The following ASH2L variants were observed in gnomAD, a reference collection of about 807,000 sequenced individuals.
ASH2L encodes the protein ASH2 like, histone lysine methyltransferase complex subunit, also known as set1/Ash2 histone methyltransferase complex subunit ASH2.
ASH2L carries 30 observed loss-of-function variants against 81.1 expected under a neutral mutation model. The observed-to-expected ratio is 0.37, with a 90% CI of 0.28 to 0.50. ASH2L has a LOEUF of 0.50. ASH2L is among the 20% of genes least tolerant of loss of function. The probability of loss-of-function intolerance (pLI) is 0.95; values close to 1 mark genes in which losing one functional copy is unlikely to be tolerated. For synonymous variants in ASH2L, 273 were observed against 279.9 expected, an observed-to-expected ratio of 0.98 and a Z score of 0.24; for missense variants, 559 against 792.1, an observed-to-expected ratio of 0.71 and a Z score of 3.53.
Position 38,138,892 on chromosome 8 carries a change from A to G in ASH2L, c.1779+17A>G. ...TACCGCCCTGTGAGTAACATTACAA[A>G]TGGCTGCATGTGTCCTCAGCATCTC... On this transcript the variant is annotated intron_variant, in intron 15 of 15. Transcript: ENST00000343823. The G allele has an allele frequency of 6.2e-7, 1 of 1,613,958 alleles. No homozygotes were observed.
Position 38,106,464 on chromosome 8 carries a change from TGCAAGACAAAA to T in ASH2L, c.255+21_255+31del. 6.3e-7 allele frequency: 1 copy of T among 1,595,884 alleles called. No individual in the cohort carries two copies. The highest frequency in any genetic ancestry group is 8.6e-7 in the Non-Finnish European group (1 of 1,165,638). On this transcript the variant is annotated intron_variant, in intron 2 of 15. Transcript: ENST00000343823. ...ACACTAGTAAGTATTTTTAGTTGTT[TGCAAGACAAAA>T]TAGGGTTTGTTTTAGTTATTTCTTC...
chr8:38,135,898 T>C, intron 14 of ASH2L, 132 bp downstream of exon 14: 1 of 613,820 alleles, frequency 1.6e-6, no homozygotes, highest in Non-Finnish European at 2.8e-6. Context: ...TTGTTACCAT[T>C]ACTGTTTAGT....
chr8:38,133,759 C>G (rs1430305937), intron 13 of ASH2L, among the ~76,000 whole-genome samples: 1 of 152,146 alleles, frequency 6.6e-6, no homozygotes, highest in Non-Finnish European at 1.5e-5. Flanking sequence ...CCTGTTCTTT[C>G]AGGATAACTC....
intron 10 of ASH2L, chr8:38,123,191 T>C (rs1320230245): frequency 6.7e-6 from 1 of 149,658 alleles, no homozygotes; most frequent in Non-Finnish European, 1.5e-5. Context: ...TTCAAGTGAT[T>C]CTTCTGCCTC....
intron 12 of ASH2L, among the ~76,000 whole-genome samples, chr8:38,129,638 C>T (rs936812944): frequency 6.6e-6 from 1 of 152,184 alleles, no homozygotes; most frequent in African/African-American, 2.4e-5. Context: ...CATGCCTTTT[C>T]ACAGTTAGTC....
chr8:38,137,509 G>A (rs1191448196), intron 14 of ASH2L: 2 of 152,368 alleles, frequency 1.3e-5, no homozygotes, highest in African/African-American at 4.8e-5. Context: ...CTTGCAGTGA[G>A]CCGAGATTGT....
In ASH2L at chr8:38,110,837, G is replaced by C. The variant is rs1810651213; in HGVS notation, c.585+4G>C. On this transcript the variant is annotated splice_donor_region_variant and intron_variant, in intron 5 of 15. Transcript: ENST00000343823. ...GACAATGTTCTCCAAAGATAAGGTA[G>C]AGGTGGAACTAATGTGATTGCAGTT... The C allele has an allele frequency of 6.2e-7, 1 of 1,610,654 alleles. No individual in the cohort carries two copies. Among genetic ancestry groups the C allele is most frequent in the African/African-American group, 1.3e-5 (1 of 74,868 alleles).
chr8:38,131,255 C>G (rs1262919195), intron 12 of ASH2L, among the ~76,000 whole-genome samples: 1 of 152,012 alleles, frequency 6.6e-6, no homozygotes, highest in Non-Finnish European at 1.5e-5. Context: ...CACACTGATG[C>G]CTGGTTTTAC....
Position 38,121,079 on chromosome 8 carries a change from A to C in ASH2L, c.1095A>C (p.Gly365=). ...AGCTGGAACTTGACTGCTGGGCAGG[A>C]AAACCTATTCCTGGAGACCTCTACA... ...PEKLELDCWA[G]KPIPGDLYRA... is the part of the protein sequence containing the mutation. The change falls in exon 10 of 16, where the codon GGA becomes GGC. Residue 365 remains glycine, a synonymous_variant. Transcript: ENST00000343823. 6.2e-7 allele frequency: 1 copy of C among 1,613,526 alleles called. No individual in the cohort carries two copies. The highest frequency in any genetic ancestry group is 1.7e-5 in the Admixed American group (1 of 59,922).
At chr8:38,124,771 G>C (rs1258958062) in intron 10 of ASH2L, 2 of 152,248 alleles carry the variant, frequency 1.3e-5, no homozygotes, top group East Asian at 3.8e-4. Context: ...CAGAGGTAGA[G>C]AGATGAATTA....
At chr8:38,120,893 G>A (rs765966106) in intron 9 of ASH2L, 39 bp from the exon 10 acceptor site, 10 of 1,554,840 alleles carry the variant, frequency 6.4e-6, no homozygotes, top group Admixed American at 1.7e-5. Context: ...GAGCTAAAGG[G>A]GGTTTTAGTT....
intron 13 of ASH2L, among the ~76,000 whole-genome samples, chr8:38,134,824 G>A (rs1277177862): frequency 6.6e-6 from 1 of 152,136 alleles, no homozygotes; most frequent in Non-Finnish European, 1.5e-5. Context: ...CCTCTTGTGG[G>A]AAGAGAAGGC....
chr8:38,125,075 C>T (rs1231732893), intron 10 of ASH2L, among the ~76,000 whole-genome samples: 2 of 152,148 alleles, frequency 1.3e-5, no homozygotes, highest in East Asian at 1.9e-4. Context: ...TTAATCTGCT[C>T]TTGAGGTATC....
chr8:38,126,839 G>T, intron 10 of ASH2L, among the ~76,000 whole-genome samples: 1 of 65,324 alleles, frequency 1.5e-5, no homozygotes, highest in Admixed American at 1.7e-4. Context: ...GGGCAAAAGA[G>T]CGAGACTCTG....
intron 13 of ASH2L, among the ~76,000 whole-genome samples, chr8:38,133,988 T>A (rs1217744061): frequency 6.6e-6 from 1 of 152,212 alleles, no homozygotes; most frequent in African/African-American, 2.4e-5. Context: ...GAAAAATTCT[T>A]CTGCCTTGGG....
intron 15 of ASH2L, 23 bp from the exon 16 acceptor site, chr8:38,138,941 T>A: frequency 1.2e-6 from 2 of 1,613,746 alleles, no homozygotes; most frequent in East Asian, 4.5e-5. Flanking sequence ...GTCACCGTGT[T>A]CTGTTTCTCA....
chr8:38,132,336 T>A (rs1458414147), intron 12 of ASH2L, among the ~76,000 whole-genome samples: 1 of 152,202 alleles, frequency 6.6e-6, no homozygotes, highest in Non-Finnish European at 1.5e-5. Context: ...TACATATATA[T>A]GTTAAGAAAT....
At chr8:38,108,689 T>C (rs1261302711) in intron 3 of ASH2L, among the ~76,000 whole-genome samples, 1 of 151,500 alleles carries the variant, frequency 6.6e-6, no homozygotes, top group Admixed American at 6.6e-5. Flanking sequence ...GGCACAGTGG[T>C]GCGTGCCTGT....
chr8:38,129,827 C>T (rs1306890745), intron 12 of ASH2L, among the ~76,000 whole-genome samples: 2 of 152,136 alleles, frequency 1.3e-5, no homozygotes, highest in African/African-American at 4.8e-5. Flanking sequence ...GGTAGTACTC[C>T]ATTGCATGAA....
Sources: gnomAD v4.1 joint callset for allele counts (sites outside exome capture counted in the v4.1 genomes callset) on GRCh38, gnomAD v4.1.1 for gene constraint, MANE v1.5 for transcripts, NCBI Gene and HGNC (gene_info 2026-07-23, HGNC 2026-07-21) for gene names.